Variants in ABCB4 observed in about 807,000 individuals in gnomAD.
The protein encoded by ABCB4 is ATP binding cassette subfamily B member 4, also known as phosphatidylcholine translocator ABCB4.
In ABCB4, 76 loss-of-function variants were observed where a neutral mutation model predicts 145.7. The ratio of observed to expected loss-of-function variants is 0.52; its 90% CI spans 0.43 to 0.63. The LOEUF is 0.63. ABCB4 is among the 30% of genes least tolerant of loss of function. The probability of loss-of-function intolerance (pLI) is 0.00; values close to 1 mark genes in which losing one functional copy is unlikely to be tolerated. For synonymous variants in ABCB4, 517 were observed against 566.8 expected (o/e 0.91, Z 1.25); for missense variants, 1,234 against 1,553.1 (o/e 0.79, Z 3.45).
At chr7:87,442,277 A>G (rs931947678) in intron 12 of ABCB4, among the ~76,000 whole-genome samples, 2 of 152,060 alleles carry the variant, frequency 1.3e-5, no homozygotes, top group African/African-American at 4.8e-5. Flanking sequence ...AATAATATTA[A>G]TTTTATTAAA....
chr7:87,446,488 T>C (rs1259856130), intron 9 of ABCB4, among the ~76,000 whole-genome samples: 1 of 152,182 alleles, frequency 6.6e-6, no homozygotes, highest in Admixed American at 6.5e-5. Flanking sequence ...TATTAGATTG[T>C]AAGTAATTTT....
chr7:87,418,738 TAG>T, intron 19 of ABCB4, 118 bp from the exon 20 acceptor site: 3 of 900,380 alleles, frequency 3.3e-6, no homozygotes, highest in Non-Finnish European at 5.4e-6. Flanking sequence ...ATATGCAGTG[TAG>T]AGTCCCTGGC....
chr7:87,470,751 C>A (rs1813324225), intron 3 of ABCB4, among the ~76,000 whole-genome samples: 1 of 152,162 alleles, frequency 6.6e-6, no homozygotes, highest in African/African-American at 2.4e-5. Context: ...GAAATAGGAA[C>A]ACTTTTACAC....
chr7:87,447,251 T>C (rs775937530), intron 8 of ABCB4, 46 bp from the exon 9 acceptor site: 1 of 1,580,502 alleles, frequency 6.3e-7, no homozygotes. Flanking sequence ...AGAATAACAA[T>C]CCATAGTCCG....
chr7:87,378,962 T>G, the ABCB4 span, among the ~76,000 whole-genome samples: 13 of 152,364 alleles, frequency 8.5e-5, no homozygotes, highest in East Asian at 2.5e-3. Flanking sequence ...TCATTTATTT[T>G]GAAGATGTTC....
chr7:87,422,376 A>G, intron 17 of ABCB4, 151 bp from the exon 18 acceptor site: 1 of 702,830 alleles, frequency 1.4e-6, no homozygotes, highest in Non-Finnish European at 2.5e-6. Context: ...CATAACACAA[A>G]ATTTACCATT....
chr7:87,455,382 G>A (rs1314050266), intron 4 of ABCB4, among the ~76,000 whole-genome samples: 1 of 152,118 alleles, frequency 6.6e-6, no homozygotes, highest in East Asian at 1.9e-4. Context: ...TAAATACCAG[G>A]CACTGCTCTG....
intron 14 of ABCB4, 25 bp from the exon 15 acceptor site, chr7:87,431,590 T>A: frequency 6.2e-7 from 1 of 1,613,912 alleles, no homozygotes; most frequent in Non-Finnish European, 8.5e-7. Context: ...ATGTGGTGCA[T>A]CAGGGTTACA....
downstream of ABCB4, chr7:87,398,538 G>T (rs149253384): frequency 2.5e-6 from 4 of 1,613,646 alleles, no homozygotes; most frequent in Non-Finnish European, 3.4e-6. Flanking sequence ...GTTGTGGCCT[G>T]TTCAGCCTGG....
At chr7:87,427,100 T>C (rs1038500839) in intron 15 of ABCB4, among the ~76,000 whole-genome samples, 180 bp from the exon 16 acceptor site, 1 of 151,952 alleles carries the variant, frequency 6.6e-6, no homozygotes, top group East Asian at 1.9e-4. Context: ...AACTATAAAG[T>C]ATAGAAAGGT....
intron 3 of ABCB4, among the ~76,000 whole-genome samples, chr7:87,468,050 C>T (rs1376448132): frequency 2.0e-5 from 3 of 152,088 alleles, no homozygotes; most frequent in Non-Finnish European, 4.4e-5. Context: ...AAGATCAGAG[C>T]AGAACTGAAG....
At chr7:87,474,992 C>T (rs1390215937) in intron 2 of ABCB4, among the ~76,000 whole-genome samples, 1 of 152,184 alleles carries the variant, frequency 6.6e-6, no homozygotes, top group Non-Finnish European at 1.5e-5. Context: ...TCAAAAAGCA[C>T]AGCCATCAAC....
chr7:87,462,856 A>G lies in ABCB4; in HGVS notation c.188T>C (p.Met63Thr), dbSNP rs1267680741. Reference sequence around the variant, plus strand: ...GAGACCTGATCCGTGAGCTATGGCCATGATGGTACCCAGCGACATAAACAA... The same window carrying G: ...GAGACCTGATCCGTGAGCTATGGCCGTGATGGTACCCAGCGACATAAACAA... ...DKLFMSLGTI[M>T]AIAHGSGLPL... The change falls in exon 4 of 28, where the codon ATG becomes ACG. Residue 63 changes from methionine (M) to threonine (T), a missense_variant. Coordinates refer to ENST00000649586, the MANE Select transcript of ABCB4 (RefSeq NM_000443.4). 1 of 1,613,990 alleles carries G rather than the reference A, an allele frequency of 6.2e-7. No homozygotes were observed. The highest frequency in any genetic ancestry group is 1.1e-5 in the South Asian group (1 of 91,058).
At chr7:87,383,124 GT>G in the ABCB4 span, among the ~76,000 whole-genome samples, 2 of 152,094 alleles carry the variant, frequency 1.3e-5, no homozygotes, top group Non-Finnish European at 2.9e-5. Flanking sequence ...AATGTTCCAA[GT>G]CTTCTCTTCT....
intron 17 of ABCB4, among the ~76,000 whole-genome samples, chr7:87,422,924 T>TC (rs1344415586): frequency 3.9e-5 from 6 of 152,220 alleles, no homozygotes; most frequent in Non-Finnish European, 5.9e-5. Context: ...CCACTGTATC[T>TC]CCAGTGCCTG....
At chr7:87,401,622 A>G, downstream of ABCB4, 1 of 222,002 alleles carries the variant, frequency 4.5e-6, no homozygotes. Flanking sequence ...ATGTTGGATG[A>G]TAAAGCTGGA....
chr7:87,392,123 C>CT, the ABCB4 span, among the ~76,000 whole-genome samples: 13 of 152,060 alleles, frequency 8.5e-5, no homozygotes, highest in South Asian at 2.1e-4. Flanking sequence ...GTTTCATACT[C>CT]TTTTTTTTGA....
In ABCB4 at chr7:87,409,381, G is replaced by T. The variant is rs374711909; in HGVS notation, c.2936C>A (p.Ala979Glu). ...TAGAGCCACTGCACCAAATACAATT[G>T]CAGAAAACACCCTAGACAGAAGTAG... The part of the protein sequence containing the change: ...RFRDVILVFS[A>E]IVFGAVALGH... The change falls in exon 24 of 28, where the codon GCA becomes GAA. Residue 979 changes from alanine (A) to glutamate (E), a missense_variant. Coordinates refer to ENST00000649586, the MANE Select transcript of ABCB4 (RefSeq NM_000443.4). 4 of 1,613,808 alleles carry T rather than the reference G, an allele frequency of 2.5e-6. No homozygotes were observed. The African/African-American group carries it at 5.3e-5, about 22-fold the overall frequency.
At chr7:87,468,208 G>T (rs1320144093) in intron 3 of ABCB4, among the ~76,000 whole-genome samples, 1 of 152,110 alleles carries the variant, frequency 6.6e-6, no homozygotes, top group Admixed American at 6.5e-5. Context: ...AAATGATAAA[G>T]GGGATATCAC....
Sources: gnomAD v4.1 joint callset for allele counts (sites outside exome capture counted in the v4.1 genomes callset) on GRCh38, gnomAD v4.1.1 for gene constraint, MANE v1.5 for transcripts, NCBI Gene and HGNC (gene_info 2026-07-23, HGNC 2026-07-21) for gene names.